The following CARD14 variants were observed in gnomAD, a reference collection of about 807,000 sequenced individuals.
CARD14 encodes caspase recruitment domain-containing protein 14.
CARD14 carries 107 observed loss-of-function variants against 111.5 expected under a neutral mutation model. The ratio of observed to expected loss-of-function variants is 0.96; its 90% CI spans 0.82 to 1.13. The LOEUF is 1.13. Among genes scored for constraint, CARD14 ranks in the 50% most tolerant of loss-of-function variants. The probability of loss-of-function intolerance (pLI) is 0.00; values close to 1 mark genes in which losing one functional copy is unlikely to be tolerated. For synonymous variants in CARD14, 617 were observed against 579.6 expected (o/e 1.06, Z -0.93); for missense variants, 1,322 against 1,362.3 (o/e 0.97, Z 0.47).
chr17:80,195,544 C>T lies in CARD14; in HGVS notation c.1500-14C>T. ...GTGATGCAGTTTGAGCCTGCTGCTGCTTATGCTTTGCAGCAGCTGCCTGGA... is the reference window on the plus strand; with the variant it reads ...GTGATGCAGTTTGAGCCTGCTGCTGTTTATGCTTTGCAGCAGCTGCCTGGA... On this transcript the variant is annotated splice_polypyrimidine_tract_variant and intron_variant, in intron 13 of 23. Transcript: ENST00000648509. The surrounding 1 kb of genome is among the most constrained non-coding windows in gnomAD (Gnocchi z 4.7). 6.2e-7 allele frequency: 1 copy of T among 1,606,454 alleles called. No individual in the cohort carries two copies. The highest frequency in any genetic ancestry group is 8.5e-7 in the Non-Finnish European group (1 of 1,177,514).
intron 12 of CARD14, among the ~76,000 whole-genome samples, chr17:80,194,890 C>T (rs1371024079): frequency 6.6e-6 from 1 of 152,222 alleles, no homozygotes; most frequent in Non-Finnish European, 1.5e-5. Flanking sequence ...AACTATATCA[C>T]TTTACATGTA....
In CARD14 at chr17:80,198,344, T is replaced by G; in HGVS notation, c.1659-55T>G. On this transcript the variant is annotated intron_variant, in intron 15 of 23. Transcript: ENST00000648509. This position sits in a 1 kb window ranked among gnomAD's most constrained non-coding sequence, Gnocchi z 7.5. ...AGAGGGAAGCAATGGGGAGGTGGCC[T>G]TGCCGGCTCTCCTGCTCTGGGCAGT... 6.4e-7 allele frequency: 1 copy of G among 1,561,824 alleles called. No individual in the cohort carries two copies. The highest frequency in any genetic ancestry group is 1.2e-5 in the South Asian group (1 of 83,646).
Position 80,209,190 on chromosome 17 carries a change from G to A in CARD14, c.*845G>A. 1.9e-6 allele frequency: 1 copy of A among 534,412 alleles called. No homozygotes were observed. Among genetic ancestry groups the A allele is most frequent in the Non-Finnish European group, 2.4e-6 (1 of 417,832 alleles). 33.1% of individuals were successfully genotyped at this position (534,412 alleles called of 1,614,324 possible). A position where few individuals can be genotyped will look rare whatever the true frequency, so the allele number is the denominator to read the frequency against. On this transcript the variant is annotated 3_prime_UTR_variant, in exon 24 of 24. Transcript: ENST00000648509. The stretch of plus-strand genomic sequence containing the variant: ...CACCTGGCCTTGCCCCTGCCTCCTG[G>A]GGCTGTTGCAGACTGAATGTCATTT...
rs888223090 is a variant in CARD14, at chr17:80,184,222, G to T, written c.659G>T (p.Arg220Leu). 3.3e-6 allele frequency: 5 copies of T among 1,534,236 alleles called. No homozygotes were observed. In the Admixed American group the frequency reaches 7.9e-5, roughly 24 times the overall value. The change falls in exon 7 of 24, where the codon CGC becomes CTC. Residue 220 changes from arginine (R) to leucine (L), a missense_variant. Arg to Leu is a moderately radical substitution (Grantham distance 102). Coordinates refer to ENST00000648509, the MANE Select transcript of CARD14 (RefSeq NM_001366385.1). ...AAGGAGCTGGCCGCCTCACGCTGCCGCAGCCTGCAGGAGGAGGTAGGGGGA... is the reference window on the plus strand; with the variant it reads ...AAGGAGCTGGCCGCCTCACGCTGCCTCAGCCTGCAGGAGGAGGTAGGGGGA... ...QEKELAASRC[R>L]SLQEELYLLK...
chr17:80,171,583 A>T (rs1387199117), intron 1 of CARD14, among the ~76,000 whole-genome samples: 1 of 152,206 alleles, frequency 6.6e-6, no homozygotes. Flanking sequence ...GTTAACTGCC[A>T]TTGGAGACTA....
chr17:80,184,661 A>G (rs1446089837), intron 7 of CARD14, among the ~76,000 whole-genome samples: 1 of 147,714 alleles, frequency 6.8e-6, no homozygotes, highest in Non-Finnish European at 1.5e-5. Flanking sequence ...CTCAGGCGGG[A>G]TAGTTGGTCT....
chr17:80,208,593 G>T lies in CARD14; in HGVS notation c.*248G>T. On this transcript the variant is annotated 3_prime_UTR_variant, in exon 24 of 24. Coordinates refer to ENST00000648509, the MANE Select transcript of CARD14 (RefSeq NM_001366385.1). ...TACCAGGCTTGGCATGGTCTGAACT[G>T]GAAACCCTGAGAATGTTTCTGCAGT... 2.3e-6 allele frequency: 1 copy of T among 436,554 alleles called. No individual in the cohort carries two copies. The highest frequency in any genetic ancestry group is 4.0e-6 in the Non-Finnish European group (1 of 247,574). The allele number at this position is 436,554 out of a possible 1,614,324, so 27.0% of individuals were successfully genotyped here. A position where few individuals can be genotyped will look rare whatever the true frequency, so the allele number is the denominator to read the frequency against.
At position 80,189,692 on chromosome 17, in the gene CARD14, G is replaced by A; in HGVS notation, c.844-61G>A. The A allele has an allele frequency of 1.4e-6, 2 of 1,454,434 alleles. No individual in the cohort carries two copies. The highest frequency in any genetic ancestry group is 2.9e-5 in the South Asian group (2 of 68,272). The allele number at this position is 1,454,434 out of a possible 1,614,324, so 90.1% of individuals were successfully genotyped here. ...GTTGCCGCCATCTTCTCGGGATTCTGCTTGCCTAGGGCAGGCCTCTGGGGA... is the reference window on the plus strand; with the variant it reads ...GTTGCCGCCATCTTCTCGGGATTCTACTTGCCTAGGGCAGGCCTCTGGGGA... On this transcript the variant is annotated intron_variant, in intron 8 of 23. Transcript: ENST00000648509. The surrounding 1 kb of genome is among the most constrained non-coding windows in gnomAD (Gnocchi z 4.7).
chr17:80,175,305 G>A (rs1489424894), intron 2 of CARD14, among the ~76,000 whole-genome samples: 1 of 152,200 alleles, frequency 6.6e-6, no homozygotes, highest in Non-Finnish European at 1.5e-5. Context: ...TGGCAGAAAA[G>A]TTGTTTTCCT....
chr17:80,195,585 C>G lies in CARD14; in HGVS notation c.1527C>G (p.Asp509Glu), dbSNP rs781689813. Residue 509 changes from aspartate to glutamate, a missense_variant, in exon 14 of 24, where the codon GAC (aspartate) becomes GAG (glutamate). Transcript: ENST00000648509. This position sits in a 1 kb window ranked among gnomAD's most constrained non-coding sequence, Gnocchi z 4.7. The stretch of plus-strand genomic sequence containing the variant: ...GCTGCCTGGAGATCCCGGAGGGAGA[C>G]CCGGGAGCCCTGCCGGGAGCTAAGG... ...FSSCLEIPEG[D>E]PGALPGAKAG... is the part of the protein sequence containing the mutation. 1.2e-6 allele frequency: 2 copies of G among 1,612,762 alleles called. No individual in the cohort carries two copies. Among genetic ancestry groups the G allele is most frequent in the Non-Finnish European group, 1.7e-6 (2 of 1,179,826 alleles).
chr17:80,184,715 C>T (rs1232727115), intron 7 of CARD14, among the ~76,000 whole-genome samples: 1 of 70,992 alleles, frequency 1.4e-5, no homozygotes, highest in Non-Finnish European at 3.0e-5. Context: ...TGGACTCAGG[C>T]GGGATAGTTG....
At chr17:80,179,497 G>T (rs1447611680) in intron 4 of CARD14, among the ~76,000 whole-genome samples, 196 bp downstream of exon 4, 1 of 152,190 alleles carries the variant, frequency 6.6e-6, no homozygotes, top group Non-Finnish European at 1.5e-5. Flanking sequence ...GAAGTATCAT[G>T]CAAAGATGCT....
intron 16 of CARD14, among the ~76,000 whole-genome samples, chr17:80,200,228 CA>C (rs1243297478): frequency 2.4e-4 from 26 of 109,610 alleles, no homozygotes; most frequent in African/African-American, 7.3e-4. Context: ...CTTTACATGT[CA>C]TTTTTTTTTT....
In CARD14 at chr17:80,198,169, A is replaced by T. The variant is rs776992134; in HGVS notation, c.1658+7A>T. ...GGCTTGATGTCTCGGAGAGGTAAGC[A>T]GCAGGTGGGAATCCTCCGAGGCTGG... On this transcript the variant is annotated splice_region_variant and intron_variant, in intron 15 of 23. Transcript: ENST00000648509. The surrounding 1 kb of genome is among the most constrained non-coding windows in gnomAD (Gnocchi z 7.5). 1.2e-6 allele frequency: 2 copies of T among 1,613,758 alleles called. No individual in the cohort carries two copies. The highest frequency in any genetic ancestry group is 4.5e-5 in the East Asian group (2 of 44,884).
At chr17:80,183,745 C>T (rs534467309) in intron 6 of CARD14, among the ~76,000 whole-genome samples, 168 bp from the exon 7 acceptor site, 10 of 151,348 alleles carry the variant, frequency 6.6e-5, no homozygotes, top group African/African-American at 1.7e-4. Flanking sequence ...CATGCCCACC[C>T]GCCCACATGC....
intron 22 of CARD14, chr17:80,205,919 TA>T (rs2041275587): frequency 8.6e-6 from 3 of 350,686 alleles, no homozygotes; most frequent in Admixed American, 4.4e-5. Context: ...CGAGAATGAA[TA>T]AATCCGAGCT....
chr17:80,208,246 T>C lies in CARD14; in HGVS notation c.2916T>C (p.Pro972=), dbSNP rs762868173. 3.8e-6 allele frequency: 6 copies of C among 1,580,064 alleles called. No individual in the cohort carries two copies. Among genetic ancestry groups the C allele is most frequent in the Non-Finnish European group, 5.2e-6 (6 of 1,163,962 alleles). ...RAPCLYSSLA[P]DGWSDLDGLL... ...CCTGTCTATACAGCAGCCTGGCTCC[T>C]GACGGCTGGAGCGACCTGGACGGCC... The change falls in exon 24 of 24, where the codon CCT becomes CCC. Residue 972 remains proline, a synonymous_variant. Coordinates refer to ENST00000648509, the MANE Select transcript of CARD14 (RefSeq NM_001366385.1).
chr17:80,175,479 C>A (rs1025670906), intron 2 of CARD14, among the ~76,000 whole-genome samples: 1 of 152,178 alleles, frequency 6.6e-6, no homozygotes, highest in Admixed American at 6.5e-5. Flanking sequence ...AGAGCGACTG[C>A]GCCCACTGGT....
In CARD14 at chr17:80,195,211, G is replaced by C. The variant is rs773256259; in HGVS notation, c.1377G>C (p.Leu459=). The change falls in exon 13 of 24, where the codon CTG becomes CTC. Residue 459 remains leucine, a synonymous_variant. Transcript: ENST00000648509. This position sits in a 1 kb window ranked among gnomAD's most constrained non-coding sequence, Gnocchi z 4.7. ...SSTESQLLSD[L]SATSSRELVD... is the part of the protein sequence containing the mutation. ...TCCAGTCTCAGCTCTTGTCGGACCT[G>C]AGTGCCACGTCCAGCCGCGAGCTGG... 4.3e-6 allele frequency: 7 copies of C among 1,609,758 alleles called. No individual in the cohort carries two copies. The highest frequency in any genetic ancestry group is 3.3e-5 in the South Asian group (3 of 90,944).
Sources: allele counts gnomAD v4.1 joint callset (sites outside exome capture counted in the v4.1 genomes callset), GRCh38; gene constraint gnomAD v4.1.1; non-coding constraint Gnocchi (gnomAD v3.1); transcripts MANE v1.5; gene names NCBI Gene and HGNC (gene_info 2026-07-23, HGNC 2026-07-21).